Variants in S100A8 observed in about 807,000 individuals in gnomAD.
S100A8 encodes S100 calcium binding protein A8.
In S100A8, 1 loss-of-function variant was observed where a neutral mutation model predicts 4.2. That is an observed-to-expected ratio of 0.24 (90% CI 0.08 to 1.12). The LOEUF (loss-of-function observed/expected upper bound fraction) is 1.12, where lower values mean the gene tolerates loss of function less well. Among genes scored for constraint, S100A8 ranks in the 50% most tolerant of loss-of-function variants. The pLI is 0.53. For missense variants in S100A8, 96 were observed against 111.8 expected (o/e 0.86, Z 0.64); for synonymous variants, 41 against 44.7 (o/e 0.92, Z 0.33).
the S100A8 span, among the ~76,000 whole-genome samples, chr1:153,413,746 C>T: frequency 1.3e-5 from 2 of 151,836 alleles, no homozygotes; most frequent in African/African-American, 4.8e-5. Context: ...ATTAAAAATA[C>T]AAAAATTAGC....
the S100A8 span, among the ~76,000 whole-genome samples, chr1:153,408,245 T>C: frequency 6.6e-6 from 1 of 152,094 alleles, no homozygotes; most frequent in Admixed American, 6.5e-5. Flanking sequence ...ATTAAATGAA[T>C]GGCTAACTAG....
the S100A8 span, among the ~76,000 whole-genome samples, chr1:153,402,348 C>T: frequency 6.6e-6 from 1 of 152,340 alleles, no homozygotes; most frequent in Admixed American, 6.5e-5. Context: ...CCCATGGGCC[C>T]CACATACCTG....
At chr1:153,400,626 T>C in the S100A8 span, among the ~76,000 whole-genome samples, 1 of 152,276 alleles carries the variant, frequency 6.6e-6, no homozygotes, top group South Asian at 2.1e-4. Flanking sequence ...CTACTCAACA[T>C]AAAGATTTCC....
upstream of S100A8, among the ~76,000 whole-genome samples, chr1:153,392,268 C>A (rs1376916307): frequency 6.6e-6 from 1 of 152,050 alleles, no homozygotes; most frequent in African/African-American, 2.4e-5. Context: ...AAACATGAAG[C>A]AAAACGACAA....
chr1:153,398,807 G>C, the S100A8 span, among the ~76,000 whole-genome samples: 1 of 152,172 alleles, frequency 6.6e-6, no homozygotes, highest in African/African-American at 2.4e-5. Context: ...TTCCTAAGGG[G>C]GAAATGAAAC....
At chr1:153,417,995 C>A in the S100A8 span, 8 of 1,574,796 alleles carry the variant, frequency 5.1e-6, no homozygotes, top group Middle Eastern at 1.7e-4. Flanking sequence ...CCTCAGCCCT[C>A]CTTCTAACAC....
upstream of S100A8, among the ~76,000 whole-genome samples, chr1:153,394,548 G>C (rs148282687): frequency 2.6e-3 from 393 of 152,284 alleles, no homozygotes; most frequent in African/African-American, 8.4e-3. Context: ...TGTCTCGGCG[G>C]AGAGTACAAA....
At chr1:153,417,600 G>C in the S100A8 span, among the ~76,000 whole-genome samples, 1 of 152,308 alleles carries the variant, frequency 6.6e-6, no homozygotes, top group African/African-American at 2.4e-5. Context: ...CACGGTGTCT[G>C]GTTCCTGAAG....
the S100A8 span, chr1:153,418,271 T>G: frequency 1.2e-6 from 2 of 1,603,208 alleles, no homozygotes; most frequent in Non-Finnish European, 1.7e-6. Flanking sequence ...CTGGCATGGC[T>G]GAGGATACAT....
chr1:153,400,936 G>A, the S100A8 span, among the ~76,000 whole-genome samples: 21 of 152,296 alleles, frequency 1.4e-4, no homozygotes, highest in African/African-American at 3.8e-4. Flanking sequence ...ACAATTGCTG[G>A]ATAACAGCTT....
chr1:153,397,201 G>C, the S100A8 span, among the ~76,000 whole-genome samples: 1 of 152,230 alleles, frequency 6.6e-6, no homozygotes, highest in Non-Finnish European at 1.5e-5. Flanking sequence ...CCTCCACACT[G>C]GGAGCTCCCC....
chr1:153,418,196 G>T, the S100A8 span: 4 of 1,613,870 alleles, frequency 2.5e-6, no homozygotes. Context: ...TGATGAAGGA[G>T]AACTTCCCCA....
the S100A8 span, chr1:153,420,704 C>T: frequency 6.6e-6 from 1 of 152,232 alleles, no homozygotes; most frequent in African/African-American, 2.4e-5. Context: ...CCATGTCTGA[C>T]CATTAGTTTT....
Position 153,390,083 on chromosome 1 carries a change from C to T in S100A8, c.*20G>A. On this transcript the variant is annotated 3_prime_UTR_variant, in exon 3 of 3. Coordinates refer to ENST00000368733, the MANE Select transcript of S100A8 (RefSeq NM_002964.5). ...GCAGGTACATGTCCAGGGGCCCAGC[C>T]TCTGGGCCCAGTAACTCAGCTACTC... is the stretch of plus-strand genomic sequence containing the variant. 6.2e-7 allele frequency: 1 copy of T among 1,602,708 alleles called. No individual in the cohort carries two copies. The highest frequency in any genetic ancestry group is 8.5e-7 in the Non-Finnish European group (1 of 1,172,724).
At chr1:153,421,813 T>A in the S100A8 span, 2 of 152,224 alleles carry the variant, frequency 1.3e-5, no homozygotes, top group Non-Finnish European at 1.5e-5. Flanking sequence ...AGTTCTTATT[T>A]CACCTGATAA....
chr1:153,400,481 A>G, the S100A8 span, among the ~76,000 whole-genome samples: 25 of 152,270 alleles, frequency 1.6e-4, no homozygotes, highest in African/African-American at 5.5e-4. Context: ...TGATGACTGA[A>G]TCTTCCAGAA....
the S100A8 span, among the ~76,000 whole-genome samples, chr1:153,403,317 C>T: frequency 6.6e-6 from 1 of 152,162 alleles, no homozygotes; most frequent in Non-Finnish European, 1.5e-5. Context: ...GTCCACTTGT[C>T]CCAGCATCAT....
chr1:153,422,389 C>T, the S100A8 span: 1 of 467,616 alleles, frequency 2.1e-6, no homozygotes, highest in Non-Finnish European at 2.8e-6. Flanking sequence ...TCATATTGAT[C>T]AGAATTCAAC....
At chr1:153,407,783 A>G in the S100A8 span, among the ~76,000 whole-genome samples, 1 of 152,196 alleles carries the variant, frequency 6.6e-6, no homozygotes, top group African/African-American at 2.4e-5. Flanking sequence ...CAGAGGAACA[A>G]TCAGGAACCA....
Sources: allele counts gnomAD v4.1 joint callset (sites outside exome capture counted in the v4.1 genomes callset), GRCh38; gene constraint gnomAD v4.1.1; transcripts MANE v1.5; gene names NCBI Gene and HGNC (gene_info 2026-07-23, HGNC 2026-07-21).